The following LPP variants were observed in gnomAD, a reference collection of about 807,000 sequenced individuals.
LPP encodes lipoma-preferred partner.
Under a neutral mutation model 60.4 loss-of-function variants are expected in LPP, and 38 were observed. The ratio of observed to expected loss-of-function variants is 0.63; its 90% CI spans 0.49 to 0.83. LPP has a LOEUF of 0.83. LPP is among the 40% of genes least tolerant of loss of function. The pLI is 0.00. For synonymous variants in LPP, 328 were observed against 290.8 expected (o/e 1.13, Z -1.30); for missense variants, 902 against 783.6 (o/e 1.15, Z -1.80).
At chr3:188,460,400 A>G (rs1219461936) in intron 4 of LPP, among the ~76,000 whole-genome samples, 1 of 152,196 alleles carries the variant, frequency 6.6e-6, no homozygotes, top group Non-Finnish European at 1.5e-5. Flanking sequence ...TAAATGACTT[A>G]GCTTGGTATT....
intron 4 of LPP, among the ~76,000 whole-genome samples, chr3:188,450,744 CA>C (rs10708050): frequency 0.95 from 134,337 of 140,736 alleles, 64,104 homozygotes; most frequent in Middle Eastern, 0.98. Context: ...GACTCTGTCT[CA>C]AAAAAAAAAA....
chr3:188,393,421 A>G (rs1780168996), intron 3 of LPP, among the ~76,000 whole-genome samples: 1 of 152,144 alleles, frequency 6.6e-6, no homozygotes, highest in South Asian at 2.1e-4. Context: ...GTAATGAACC[A>G]AAAGTATGGG....
At chr3:188,168,840 A>C (rs1401103533) in intron 1 of LPP, among the ~76,000 whole-genome samples, 1 of 152,244 alleles carries the variant, frequency 6.6e-6, no homozygotes, top group East Asian at 1.9e-4. Flanking sequence ...TTAATTCAAA[A>C]TTAAGTTAAT....
chr3:188,807,112 G>A (rs553904808), intron 9 of LPP, among the ~76,000 whole-genome samples: 1 of 108,164 alleles, frequency 9.2e-6, no homozygotes, highest in East Asian at 7.0e-4. Flanking sequence ...TTACCAAGTA[G>A]AGAATTGGTT....
At chr3:188,173,845 G>A (rs1722312428) in intron 1 of LPP, among the ~76,000 whole-genome samples, 2 of 152,214 alleles carry the variant, frequency 1.3e-5, no homozygotes, top group Admixed American at 1.3e-4. Context: ...AAGATACCTT[G>A]ATCCTGTCCT....
intron 5 of LPP, among the ~76,000 whole-genome samples, chr3:188,508,143 A>G (rs1021313936): frequency 2.0e-4 from 31 of 152,312 alleles, no homozygotes; most frequent in African/African-American, 5.5e-4. Flanking sequence ...GGTGGTGGCC[A>G]TGACCATGGA....
intron 7 of LPP, among the ~76,000 whole-genome samples, chr3:188,669,373 G>A (rs1339025498): frequency 5.3e-5 from 8 of 152,100 alleles, no homozygotes; most frequent in Admixed American, 3.9e-4. Context: ...TCAGGAGATC[G>A]AGACCATCCT....
chr3:188,250,784 T>TTCTGTCTGTCTGTCTG (rs71634070), intron 2 of LPP, among the ~76,000 whole-genome samples: 1 of 116,848 alleles, frequency 8.6e-6, no homozygotes, highest in African/African-American at 3.7e-5. Flanking sequence ...CTTTCTTTCT[T>TTCTGTCTGTCTGTCTG]TCTGTCTTTC....
intron 6 of LPP, among the ~76,000 whole-genome samples, chr3:188,532,881 G>A (rs1295575027): frequency 6.6e-6 from 1 of 152,146 alleles, no homozygotes; most frequent in Non-Finnish European, 1.5e-5. Flanking sequence ...AAGGTTGGGG[G>A]CTGGTCCTTT....
intron 9 of LPP, among the ~76,000 whole-genome samples, chr3:188,805,880 A>AT (rs1198745734): frequency 2.0e-5 from 3 of 150,806 alleles, no homozygotes; most frequent in Non-Finnish European, 4.4e-5. Flanking sequence ...ATATTTGGAT[A>AT]TTTTTTCTAG....
At chr3:188,642,376 C>A (rs1247144150) in intron 7 of LPP, among the ~76,000 whole-genome samples, 1 of 152,166 alleles carries the variant, frequency 6.6e-6, no homozygotes, top group Non-Finnish European at 1.5e-5. Flanking sequence ...GCTAAATATT[C>A]TTCTAAAAAT....
intron 9 of LPP, among the ~76,000 whole-genome samples, chr3:188,841,130 G>A (rs951844361): frequency 2.6e-5 from 4 of 152,142 alleles, no homozygotes; most frequent in East Asian, 3.8e-4. Flanking sequence ...AATTGATAGC[G>A]TGTGTTCATG....
intron 1 of LPP, among the ~76,000 whole-genome samples, chr3:188,185,125 G>A (rs556801774): frequency 4.6e-5 from 7 of 152,208 alleles, no homozygotes; most frequent in Admixed American, 2.6e-4. Flanking sequence ...TCTTTTGATG[G>A]TAGAGGAGGA....
rs755287902 is a variant in LPP at position 188,886,737 on chromosome 3, T to TACACACAC, written c.*12279_*12286dup. ...TCTTCAAAACACACACACACACACATACACACACACACACACACACACACA... is the reference window on the plus strand; with the variant it reads ...TCTTCAAAACACACACACACACACATACACACACACACACACACACACACACACACACA... On this transcript the variant is annotated 3_prime_UTR_variant, in exon 12 of 12. Transcript: ENST00000617246. 0.39 allele frequency: 72,247 copies of TACACACAC among 184,090 alleles called. 12,093 individuals are homozygous for TACACACAC. The highest frequency in any genetic ancestry group is 0.44 in the Non-Finnish European group (43,493 of 98,190). The allele number at this position is 184,090 out of a possible 1,614,324, so 11.4% of individuals were successfully genotyped here.
intron 2 of LPP, among the ~76,000 whole-genome samples, chr3:188,332,625 C>T (rs1760426085): frequency 6.6e-6 from 1 of 152,154 alleles, no homozygotes; most frequent in Non-Finnish European, 1.5e-5. Context: ...CAAAGAGCCT[C>T]TATTCAAGAT....
chr3:188,447,344 G>A lies in LPP; in HGVS notation c.194-37248G>A, dbSNP rs186298766. On this transcript the variant is annotated intron_variant, in intron 4 of 11. Transcript: ENST00000617246. ...AAGTGACTCTTGGCTGGGCGTGGTG[G>A]CTCACGCCTGTAATCCCAGCACTTT... Among the ~76,000 whole-genome samples, 5 of 152,244 alleles carry A rather than the reference G, an allele frequency of 3.3e-5. No homozygotes were observed. In the East Asian group the frequency reaches 9.7e-4, roughly 29 times the overall value.
chr3:188,368,923 C>T (rs952664145), intron 3 of LPP, among the ~76,000 whole-genome samples: 2 of 152,138 alleles, frequency 1.3e-5, no homozygotes, highest in African/African-American at 4.8e-5. Flanking sequence ...AAGAGAGGGT[C>T]ACCCGCCACA....
chr3:188,222,554 T>G (rs1295157133), intron 1 of LPP, among the ~76,000 whole-genome samples: 3 of 152,180 alleles, frequency 2.0e-5, no homozygotes, highest in Non-Finnish European at 4.4e-5. Context: ...GTCTGGAACT[T>G]CAAACTGCAC....
intron 7 of LPP, among the ~76,000 whole-genome samples, chr3:188,625,053 T>C (rs1846576984): frequency 6.6e-6 from 1 of 152,134 alleles, no homozygotes; most frequent in Non-Finnish European, 1.5e-5. Flanking sequence ...CATTTCTTAT[T>C]AAAGACAGAT....
Sources: allele counts gnomAD v4.1 joint callset (sites outside exome capture counted in the v4.1 genomes callset), GRCh38; gene constraint gnomAD v4.1.1; transcripts MANE v1.5; gene names NCBI Gene and HGNC (gene_info 2026-07-23, HGNC 2026-07-21).